Variants in CABCOCO1 observed in about 807,000 individuals in gnomAD.
The protein encoded by CABCOCO1 is ciliary-associated calcium-binding coiled-coil protein 1.
A neutral mutation model predicts 35.7 loss-of-function variants in CABCOCO1; 28 were observed. That is an observed-to-expected ratio of 0.78 (90% confidence interval 0.58 to 1.07). The LOEUF (loss-of-function observed/expected upper bound fraction) is 1.07. CABCOCO1 is among the 50% of genes least tolerant of loss of function. The pLI is 0.00. For missense variants in CABCOCO1, 326 were observed against 309.2 expected (o/e 1.05, Z -0.41); for synonymous variants, 95 against 100.1 (o/e 0.95, Z 0.30).
rs955871677 is a variant in CABCOCO1, at chr10:61,761,106, T to C, written c.816+103T>C. On this transcript the variant is annotated intron_variant, in intron 7 of 7. Transcript: ENST00000648843. Reference sequence around the variant, plus strand: ...CTCCCCACACTGCCAGCATGAGCGATGCTTATGACGAAGTTCAATTTAACA... The same window carrying C: ...CTCCCCACACTGCCAGCATGAGCGACGCTTATGACGAAGTTCAATTTAACA... The C allele has an allele frequency of 1.1e-5, 14 of 1,231,602 alleles. No homozygotes were observed. The East Asian group carries it at 2.9e-4, about 26-fold the overall frequency. The allele number at this position is 1,231,602 out of a possible 1,614,324, so 76.3% of individuals were successfully genotyped here. A position where few individuals can be genotyped will look rare whatever the true frequency, so the allele number is the denominator to read the frequency against.
chr10:61,755,449 T>C (rs1346258208), intron 5 of CABCOCO1, among the ~76,000 whole-genome samples: 1 of 152,132 alleles, frequency 6.6e-6, no homozygotes, highest in Non-Finnish European at 1.5e-5. Flanking sequence ...CAATCAAGTT[T>C]ACTTCTTGAA....
intron 5 of CABCOCO1, among the ~76,000 whole-genome samples, chr10:61,759,544 C>T (rs1392079835): frequency 1.3e-5 from 2 of 152,050 alleles, no homozygotes; most frequent in Non-Finnish European, 2.9e-5. Context: ...TGACAAATCT[C>T]CTTCCTGATC....
intron 5 of CABCOCO1, among the ~76,000 whole-genome samples, chr10:61,693,161 T>TA (rs112659470): frequency 0.16 from 23,892 of 151,574 alleles, 2,071 homozygotes; most frequent in Middle Eastern, 0.22. Context: ...ACCAGAGCAA[T>TA]AAAAAAAAAT....
chr10:61,688,791 C>G (rs1166039583), intron 4 of CABCOCO1, among the ~76,000 whole-genome samples: 1 of 152,152 alleles, frequency 6.6e-6, no homozygotes, highest in Non-Finnish European at 1.5e-5. Flanking sequence ...AGGACTAAGA[C>G]TAAATGTTTG....
At chr10:61,764,358 G>A (rs1842066691) in intron 7 of CABCOCO1, among the ~76,000 whole-genome samples, 1 of 152,046 alleles carries the variant, frequency 6.6e-6, no homozygotes, top group Non-Finnish European at 1.5e-5. Context: ...AGGAGTAACA[G>A]ATTTTTAAGT....
intron 5 of CABCOCO1, among the ~76,000 whole-genome samples, chr10:61,727,378 T>C (rs534177799): frequency 1.5e-4 from 23 of 152,236 alleles, no homozygotes; most frequent in Non-Finnish European, 2.8e-4. Context: ...CAAGAATAGT[T>C]TTACATTAAT....
chr10:61,686,799 A>G (rs929040303), intron 4 of CABCOCO1, among the ~76,000 whole-genome samples: 3 of 152,158 alleles, frequency 2.0e-5, no homozygotes, highest in African/African-American at 7.2e-5. Flanking sequence ...TATTACAGTG[A>G]TTCTTCATTG....
At chr10:61,676,127 A>C (rs966588137) in intron 2 of CABCOCO1, among the ~76,000 whole-genome samples, 8 of 152,228 alleles carry the variant, frequency 5.3e-5, no homozygotes, top group African/African-American at 1.9e-4. Flanking sequence ...GGAAGTCAAA[A>C]GTATATGATT....
chr10:61,674,311 T>C (rs572843883), intron 2 of CABCOCO1, among the ~76,000 whole-genome samples: 1 of 152,146 alleles, frequency 6.6e-6, no homozygotes, highest in African/African-American at 2.4e-5. Flanking sequence ...ATGCAGAAGT[T>C]AGCAATATAA....
At chr10:61,682,407 T>C (rs1206248015) in intron 3 of CABCOCO1, among the ~76,000 whole-genome samples, 1 of 152,124 alleles carries the variant, frequency 6.6e-6, no homozygotes, top group Non-Finnish European at 1.5e-5. Flanking sequence ...TAGTCATCAT[T>C]AGGAAAGAAT....
Position 61,760,116 on chromosome 10 carries a change from G to A in CABCOCO1, c.610G>A (p.Gly204Arg), listed in dbSNP as rs1272361339. The change falls in exon 6 of 8, where the codon GGA becomes AGA. Residue 204 changes from glycine (G) to arginine (R), a missense_variant. Transcript: ENST00000648843. ...CCCTTTCCCAAATCCTCTGGAAGAAGGAATCTCATTTGATATTTATTCAAC... is the reference window on the plus strand; with the variant it reads ...CCCTTTCCCAAATCCTCTGGAAGAAAGAATCTCATTTGATATTTATTCAAC... ...CGPFPNPLEE[G>R]ISFDIYSTFI... 1.9e-6 allele frequency: 3 copies of A among 1,612,208 alleles called. No homozygotes were observed. Among genetic ancestry groups the A allele is most frequent in the East Asian group, 4.5e-5 (2 of 44,876 alleles).
At chr10:61,673,963 T>A (rs1040025454) in intron 2 of CABCOCO1, among the ~76,000 whole-genome samples, 7 of 152,202 alleles carry the variant, frequency 4.6e-5, no homozygotes, top group Non-Finnish European at 2.9e-5. Context: ...TAACCCCAAA[T>A]GTTATTGATC....
chr10:61,755,339 T>A (rs559847600), intron 5 of CABCOCO1, among the ~76,000 whole-genome samples: 1 of 152,122 alleles, frequency 6.6e-6, no homozygotes, highest in African/African-American at 2.4e-5. Flanking sequence ...TAATTAGACT[T>A]GCAAATGAGT....
chr10:61,719,920 C>CCAAAAAAA (rs1554824287), intron 5 of CABCOCO1, among the ~76,000 whole-genome samples: 1 of 87,980 alleles, frequency 1.1e-5, no homozygotes, highest in Non-Finnish European at 2.3e-5. Flanking sequence ...GACTCCATCT[C>CCAAAAAAA]AAAAAAAAAA....
At chr10:61,699,874 T>C (rs1458427827) in intron 5 of CABCOCO1, among the ~76,000 whole-genome samples, 2 of 152,164 alleles carry the variant, frequency 1.3e-5, no homozygotes, top group Non-Finnish European at 2.9e-5. Context: ...TCTCCTGTTT[T>C]TCTGAGTATA....
chr10:61,693,039 AT>A (rs1486798521), intron 5 of CABCOCO1, among the ~76,000 whole-genome samples: 2 of 152,134 alleles, frequency 1.3e-5, no homozygotes, highest in Non-Finnish European at 2.9e-5. Flanking sequence ...CCTTTCTTCT[AT>A]ATTGTAAGGA....
Position 61,681,263 on chromosome 10 carries a change from G to A in CABCOCO1, c.285G>A (p.Gln95=), listed in dbSNP as rs2131977130. 6.4e-7 allele frequency: 1 copy of A among 1,570,638 alleles called. No individual in the cohort carries two copies. The highest frequency in any genetic ancestry group is 8.7e-7 in the Non-Finnish European group (1 of 1,150,904). Residue 95 remains glutamine, a synonymous_variant, in exon 3 of 8, where the codon CAG becomes CAA. Coordinates refer to ENST00000648843, the MANE Select transcript of CABCOCO1 (RefSeq NM_001366906.2). The part of the protein sequence containing the change: ...WARGMDFSII[Q]YSKFMTLLAM... ...GAGGAATGGATTTCTCTATTATTCA[G>A]TATTCAAAATTTATGACTTTACTAG...
chr10:61,676,393 T>C (rs755996263), intron 2 of CABCOCO1, among the ~76,000 whole-genome samples: 2 of 152,158 alleles, frequency 1.3e-5, no homozygotes, highest in Non-Finnish European at 2.9e-5. Context: ...ATGGTAATAA[T>C]AGACTGAAAC....
chr10:61,750,062 C>A (rs1399145050), intron 5 of CABCOCO1, among the ~76,000 whole-genome samples: 1 of 152,030 alleles, frequency 6.6e-6, no homozygotes, highest in East Asian at 1.9e-4. Context: ...CAGTGGGTAC[C>A]TTTCACATTG....
Sources: allele counts gnomAD v4.1 joint callset (sites outside exome capture counted in the v4.1 genomes callset), GRCh38; gene constraint gnomAD v4.1.1; transcripts MANE v1.5; gene names NCBI Gene and HGNC (gene_info 2026-07-23, HGNC 2026-07-21).